Variants in EMP1 observed in about 807,000 individuals in gnomAD.
EMP1 encodes the protein epithelial membrane protein 1.
A neutral mutation model predicts 15.7 loss-of-function variants in EMP1; 5 were observed. The observed-to-expected ratio is 0.32, with a 90% CI of 0.17 to 0.67. EMP1 has a LOEUF of 0.67. Ranked by LOEUF, EMP1 falls within the 30% of genes least tolerant of loss-of-function variation. EMP1 has a pLI of 0.74. For synonymous variants in EMP1, 78 were observed against 76.7 expected (o/e 1.02, Z -0.09); for missense variants, 166 against 194.2 (o/e 0.85, Z 0.86).
intron 4 of EMP1, chr12:13,214,223 C>T: frequency 1.7e-6 from 1 of 595,158 alleles, no homozygotes; most frequent in Non-Finnish European, 3.0e-6. Context: ...CTTTTGCATC[C>T]CTGAGTAGCT....
At position 13,219,936 on chromosome 12, in the gene EMP1, A is replaced by G. The variant is rs1356146707; in HGVS notation, c.*5245A>G. On this transcript the variant is annotated 3_prime_UTR_variant, in exon 5 of 5. Transcript: ENST00000256951. ...TTAATAATCATTAAACTTATTTTCA[A>G]TGAGATACGACTGTTTAAATTCTGA... 6.6e-6 allele frequency: 1 copy of G among 152,234 alleles called. No homozygotes were observed. The highest frequency in any genetic ancestry group is 2.4e-5 in the African/African-American group (1 of 41,454). The allele number at this position is 152,234 out of a possible 1,614,324, so 9.4% of individuals were successfully genotyped here.
intron 1 of EMP1, among the ~76,000 whole-genome samples, chr12:13,202,163 C>T (rs990900001): frequency 1.3e-5 from 2 of 152,138 alleles, no homozygotes; most frequent in South Asian, 4.2e-4. Context: ...TCCATCCTTC[C>T]ACTCTTGTTT....
intron 1 of EMP1, among the ~76,000 whole-genome samples, chr12:13,204,768 A>G (rs1332211148): frequency 6.6e-6 from 1 of 152,192 alleles, no homozygotes; most frequent in Non-Finnish European, 1.5e-5. Flanking sequence ...TCCAAAGTTT[A>G]CAGTTATCCA....
At chr12:13,207,638 C>A (rs1003566694) in intron 1 of EMP1, among the ~76,000 whole-genome samples, 1 of 152,162 alleles carries the variant, frequency 6.6e-6, no homozygotes, top group Non-Finnish European at 1.5e-5. Context: ...CTTAATAATA[C>A]TTCTCTCCAG....
At chr12:13,198,281 C>T (rs770793227) in intron 1 of EMP1, among the ~76,000 whole-genome samples, 12 of 150,524 alleles carry the variant, frequency 8.0e-5, no homozygotes, top group Non-Finnish European at 1.5e-4. Context: ...TTCTTTTTTT[C>T]GGTTAGCATT....
chr12:13,209,934 A>G (rs1288654505), intron 1 of EMP1, among the ~76,000 whole-genome samples: 4 of 152,366 alleles, frequency 2.6e-5, no homozygotes, highest in Admixed American at 2.0e-4. Flanking sequence ...AGTTGGACAC[A>G]TTCCTAAAAA....
chr12:13,219,556 A>G lies in EMP1; in HGVS notation c.*4865A>G, dbSNP rs149757227. The stretch of plus-strand genomic sequence containing the variant: ...TAGCAATGCCCCACTCCTGGTACCA[A>G]ATTCCTGTATTAGTCTGTTTTCACA... On this transcript the variant is annotated 3_prime_UTR_variant, in exon 5 of 5. Coordinates refer to ENST00000256951, the MANE Select transcript of EMP1 (RefSeq NM_001423.3). 1 of 152,296 alleles carries G rather than the reference A, an allele frequency of 6.6e-6. No homozygotes were observed. Among genetic ancestry groups the G allele is most frequent in the East Asian group, 1.9e-4 (1 of 5,182 alleles). The allele number at this position is 152,296 out of a possible 1,614,324, so 9.4% of individuals were successfully genotyped here.
rs531357721 is a variant in EMP1, at chr12:13,206,390, A to G, written c.-42-5079A>G. On this transcript the variant is annotated intron_variant, in intron 1 of 4. Transcript: ENST00000256951. ...CTGGGAGAATCTCACCCACTCTCAA[A>G]TGAATCATGGAAATTTGAGCCCTGA... 2.0e-5 allele frequency among the ~76,000 whole-genome samples: 3 copies of G among 152,244 alleles called. No individual in the cohort carries two copies. The East Asian group carries it at 5.8e-4, about 29-fold the overall frequency.
rs1864185738 is a variant in EMP1, at chr12:13,213,588, A to T, written c.175+13A>T. On this transcript the variant is annotated intron_variant, in intron 3 of 4. Transcript: ENST00000256951. ...TATGCCAGTGAAGGTATATATAAAGATATTGACCCAGTGCTGACAATAGGT... is the reference window on the plus strand; with the variant it reads ...TATGCCAGTGAAGGTATATATAAAGTTATTGACCCAGTGCTGACAATAGGT... The T allele has an allele frequency of 1.9e-6, 3 of 1,614,088 alleles. No homozygotes were observed. The highest frequency in any genetic ancestry group is 1.7e-6 in the Non-Finnish European group (2 of 1,180,020).
chr12:13,216,379 G>A lies in EMP1; in HGVS notation c.*1688G>A, dbSNP rs985623121. On this transcript the variant is annotated 3_prime_UTR_variant, in exon 5 of 5. Transcript: ENST00000256951. ...TGTTTATTCTAGTTAAGGAAATGTTGAGGGCAAGCCACCAAATTACCTAGG... is the reference window on the plus strand; with the variant it reads ...TGTTTATTCTAGTTAAGGAAATGTTAAGGGCAAGCCACCAAATTACCTAGG... 6 of 702,230 alleles carry A rather than the reference G, an allele frequency of 8.5e-6. No individual in the cohort carries two copies. In the South Asian group the frequency reaches 8.9e-5, roughly 10 times the overall value. 43.5% of individuals were successfully genotyped at this position (702,230 alleles called of 1,614,324 possible). A position where few individuals can be genotyped will look rare whatever the true frequency, so the allele number is the denominator to read the frequency against.
chr12:13,200,538 T>C (rs1864056392), intron 1 of EMP1, among the ~76,000 whole-genome samples: 1 of 152,228 alleles, frequency 6.6e-6, no homozygotes, highest in Non-Finnish European at 1.5e-5. Flanking sequence ...CACTTGCTAT[T>C]CAGTAATCAA....
intron 2 of EMP1, 158 bp from the exon 3 acceptor site, chr12:13,213,321 G>C: frequency 1.5e-6 from 1 of 669,538 alleles, no homozygotes; most frequent in Non-Finnish European, 2.6e-6. Context: ...AGTTTTAATC[G>C]GACCTTATTT....
At chr12:13,203,185 C>T (rs183687031) in intron 1 of EMP1, among the ~76,000 whole-genome samples, 3 of 152,310 alleles carry the variant, frequency 2.0e-5, no homozygotes, top group Non-Finnish European at 4.4e-5. Flanking sequence ...CCCACCCAAG[C>T]GCCGCTGGGG....
At position 13,209,310 on chromosome 12, in the gene EMP1, A is replaced by C. The variant is rs989698743; in HGVS notation, c.-42-2159A>C. 5.3e-5 allele frequency: 8 copies of C among 152,228 alleles called. No individual in the cohort carries two copies. The East Asian group carries it at 9.7e-4, about 18-fold the overall frequency. 9.4% of individuals were successfully genotyped at this position (152,228 alleles called of 1,614,324 possible). ...TGGGAGGTATGAGGAAGTTGGGCTG[A>C]GAAAGTGAACTTTCTCCTGGTCTTT... On this transcript the variant is annotated intron_variant, in intron 1 of 4. Transcript: ENST00000256951.
In EMP1 at chr12:13,216,245, A is replaced by G; in HGVS notation, c.*1554A>G. On this transcript the variant is annotated 3_prime_UTR_variant, in exon 5 of 5. Coordinates refer to ENST00000256951, the MANE Select transcript of EMP1 (RefSeq NM_001423.3). ...TGAGACATCTTGCCTACTTTTCTTT[A>G]TTAGCTTTCTCCTCATCCATTTCTT... is the stretch of plus-strand genomic sequence containing the variant. 1 of 609,526 alleles carries G rather than the reference A, an allele frequency of 1.6e-6. No homozygotes were observed. The highest frequency in any genetic ancestry group is 2.9e-6 in the Non-Finnish European group (1 of 344,452). 37.8% of individuals were successfully genotyped at this position (609,526 alleles called of 1,614,324 possible).
chr12:13,210,790 G>A (rs1864158301), intron 1 of EMP1, among the ~76,000 whole-genome samples: 1 of 152,242 alleles, frequency 6.6e-6, no homozygotes, highest in South Asian at 2.1e-4. Flanking sequence ...AAAGGCTCAG[G>A]TGTAGTAATA....
At chr12:13,203,026 A>G (rs1864079496) in intron 1 of EMP1, among the ~76,000 whole-genome samples, 1 of 152,086 alleles carries the variant, frequency 6.6e-6, no homozygotes, top group South Asian at 2.1e-4. Context: ...ATGCCTCTCA[A>G]CCTCTAAAGA....
At chr12:13,197,789 A>G (rs1238471047) in intron 1 of EMP1, among the ~76,000 whole-genome samples, 1 of 152,202 alleles carries the variant, frequency 6.6e-6, no homozygotes, top group African/African-American at 2.4e-5. Context: ...AGGAAAAAAA[A>G]GAAAAAGAAA....
chr12:13,199,024 G>GCGGGGA (rs1864039570), intron 1 of EMP1, among the ~76,000 whole-genome samples: 2 of 152,062 alleles, frequency 1.3e-5, no homozygotes, highest in Non-Finnish European at 2.9e-5. Context: ...TGGGGCGGGG[G>GCGGGGA]CGGGGGCTGC....
Sources: allele counts gnomAD v4.1 joint callset (sites outside exome capture counted in the v4.1 genomes callset), GRCh38; gene constraint gnomAD v4.1.1; transcripts MANE v1.5; gene names NCBI Gene and HGNC (gene_info 2026-07-23, HGNC 2026-07-21).